Variants in ZBTB7C observed in about 807,000 individuals in gnomAD.
ZBTB7C encodes zinc finger and BTB domain-containing protein 7C.
Under a neutral mutation model 25.7 loss-of-function variants are expected in ZBTB7C, and 8 were observed. That is an observed-to-expected ratio of 0.31 (90% CI 0.18 to 0.56). The LOEUF (loss-of-function observed/expected upper bound fraction) is 0.56, where lower values mean the gene tolerates loss of function less well. Among genes scored for constraint, ZBTB7C ranks in the 20% least tolerant of loss-of-function variants. ZBTB7C has a pLI of 0.91. For synonymous variants in ZBTB7C, 394 were observed against 369.0 expected (o/e 1.07, Z -0.78); for missense variants, 824 against 855.2 (o/e 0.96, Z 0.46).
intron 2 of ZBTB7C, among the ~76,000 whole-genome samples, chr18:48,261,418 A>T (rs547235008): frequency 6.6e-6 from 1 of 152,306 alleles, no homozygotes; most frequent in South Asian, 2.1e-4. Flanking sequence ...GACTGAACAA[A>T]TGGACTTCTG....
intron 2 of ZBTB7C, among the ~76,000 whole-genome samples, chr18:48,257,614 C>T (rs12964919): frequency 0.35 from 53,495 of 151,954 alleles, 11,160 homozygotes; most frequent in Non-Finnish European, 0.48. Flanking sequence ...AAGAAAACTA[C>T]AGACTAATAC....
In ZBTB7C at chr18:48,393,667, A is replaced by G. The variant is rs558575557; in HGVS notation, c.-304+15559T>C. 5.5e-4 allele frequency among the ~76,000 whole-genome samples: 83 copies of G among 152,230 alleles called. 4 individuals are homozygous for G. The South Asian group carries it at 0.017, about 31-fold the overall frequency. On this transcript the variant is annotated intron_variant, in intron 1 of 4. Coordinates refer to ENST00000590800, the MANE Select transcript of ZBTB7C (RefSeq NM_001318841.2). Reference sequence around the variant, plus strand: ...CATGTATGTGCACATCCACACACACACGCACACAGAGGACTATAGCCATCG... The same window carrying G: ...CATGTATGTGCACATCCACACACACGCGCACACAGAGGACTATAGCCATCG...
intron 2 of ZBTB7C, among the ~76,000 whole-genome samples, chr18:48,280,531 A>T (rs1208465370): frequency 6.6e-6 from 1 of 152,162 alleles, no homozygotes; most frequent in Non-Finnish European, 1.5e-5. Flanking sequence ...CACACCCAGA[A>T]CAAAAGGTGC....
At chr18:48,154,617 G>A (rs1237293578) in intron 3 of ZBTB7C, among the ~76,000 whole-genome samples, 2 of 152,174 alleles carry the variant, frequency 1.3e-5, no homozygotes, top group Admixed American at 1.3e-4. Flanking sequence ...CTTAAGTCTT[G>A]AAAGCAATAT....
intron 3 of ZBTB7C, among the ~76,000 whole-genome samples, chr18:48,109,531 T>C (rs1330335477): frequency 6.6e-6 from 1 of 152,168 alleles, no homozygotes; most frequent in African/African-American, 2.4e-5. Flanking sequence ...GGTTTCTAAC[T>C]TGAAAATGCT....
At chr18:48,107,866 T>C (rs1046075037) in intron 3 of ZBTB7C, among the ~76,000 whole-genome samples, 1 of 152,162 alleles carries the variant, frequency 6.6e-6, no homozygotes, top group Admixed American at 6.5e-5. Flanking sequence ...ACCAGTGCTA[T>C]CTGGAGAGTA....
At chr18:48,345,891 A>G (rs1367413726) in intron 1 of ZBTB7C, among the ~76,000 whole-genome samples, 1 of 152,214 alleles carries the variant, frequency 6.6e-6, no homozygotes, top group Non-Finnish European at 1.5e-5. Context: ...TACATGATCT[A>G]TAAAAATGTT....
chr18:48,284,810 A>C (rs867090764), intron 2 of ZBTB7C, among the ~76,000 whole-genome samples: 1,244 of 92,188 alleles, frequency 0.013, 6 homozygotes, highest in South Asian at 0.023. Flanking sequence ...AAAAAAAAAA[A>C]ACAGAGAGAG....
chr18:48,040,306 C>T lies in ZBTB7C; in HGVS notation c.802G>A (p.Ala268Thr). The T allele has an allele frequency of 6.3e-7, 1 of 1,580,338 alleles. No homozygotes were observed. Among genetic ancestry groups the T allele is most frequent in the Non-Finnish European group, 8.6e-7 (1 of 1,165,160 alleles). Reference sequence around the variant, plus strand: ...TCCATGGGCTGCTCAGGCAGCTGGGCAAAGGCACCGAAGTCCCCTGGCCAG... The same window carrying T: ...TCCATGGGCTGCTCAGGCAGCTGGGTAAAGGCACCGAAGTCCCCTGGCCAG... ...HLWPGDFGAF[A>T]QLPEQPMDSG... The change falls in exon 4 of 5, where the codon GCC becomes ACC. Residue 268 changes from alanine to threonine, a missense_variant. By Grantham distance (58) the Ala-to-Thr change is moderately conservative (BLOSUM62 0). This residue lies in a region of ZBTB7C where 316 missense variants were observed against 299.2 expected (regional missense o/e 1.06). Coordinates refer to ENST00000590800, the MANE Select transcript of ZBTB7C (RefSeq NM_001318841.2).
chr18:48,401,760 C>A (rs542378189), intron 1 of ZBTB7C, among the ~76,000 whole-genome samples: 2 of 152,256 alleles, frequency 1.3e-5, no homozygotes, highest in Non-Finnish European at 2.9e-5. Context: ...TGAGGCTCCA[C>A]CCATGCCACC....
intron 4 of ZBTB7C, among the ~76,000 whole-genome samples, chr18:48,035,912 A>G (rs541162093): frequency 2.2e-4 from 34 of 152,346 alleles, no homozygotes; most frequent in East Asian, 9.7e-4. Context: ...CTGTGTCCCA[A>G]GTCAGACCTG....
intron 2 of ZBTB7C, among the ~76,000 whole-genome samples, chr18:48,323,740 A>T (rs2046150463): frequency 6.6e-6 from 1 of 152,130 alleles, no homozygotes. Context: ...GTGAGTAAGG[A>T]TCCGGCAGTT....
intron 2 of ZBTB7C, among the ~76,000 whole-genome samples, chr18:48,225,982 C>G (rs1238344308): frequency 6.6e-6 from 1 of 152,184 alleles, no homozygotes; most frequent in African/African-American, 2.4e-5. Flanking sequence ...ACCTCGCGAT[C>G]CACCCGCTTT....
rs527929435 is a variant in ZBTB7C, at chr18:48,217,113, A to T, written c.-78-31118T>A. 5.3e-5 allele frequency among the ~76,000 whole-genome samples: 8 copies of T among 152,296 alleles called. No homozygotes were observed. In the East Asian group the frequency reaches 1.5e-3, roughly 29 times the overall value. On this transcript the variant is annotated intron_variant, in intron 2 of 4. Coordinates refer to ENST00000590800, the MANE Select transcript of ZBTB7C (RefSeq NM_001318841.2). ...TGCAGCAGGTTCCCCTCACAGCTTC[A>T]GGAGGAACCAACCCTGCTGACAGCT...
chr18:48,049,862 T>C (rs2036614487), intron 3 of ZBTB7C, among the ~76,000 whole-genome samples: 1 of 151,880 alleles, frequency 6.6e-6, no homozygotes, highest in Non-Finnish European at 1.5e-5. Flanking sequence ...AAATCTGGGC[T>C]CAGGATGGTG....
intron 2 of ZBTB7C, among the ~76,000 whole-genome samples, chr18:48,191,993 C>T (rs981802543): frequency 1.3e-5 from 2 of 152,178 alleles, no homozygotes; most frequent in Admixed American, 6.5e-5. Flanking sequence ...AACCTGCACA[C>T]AAATGTTTAT....
At chr18:48,215,593 G>C (rs1410291683) in intron 2 of ZBTB7C, among the ~76,000 whole-genome samples, 1 of 152,182 alleles carries the variant, frequency 6.6e-6, no homozygotes, top group East Asian at 1.9e-4. Flanking sequence ...CAATAGAAAG[G>C]AGTGTCTGGG....
chr18:48,141,145 C>CCCCCCCCCCCCCCCCCCCCCCT (rs2040334038), intron 3 of ZBTB7C, among the ~76,000 whole-genome samples: 1 of 124,178 alleles, frequency 8.1e-6, no homozygotes, highest in African/African-American at 3.2e-5. Context: ...CCCCCCGCAC[C>CCCCCCCCCCCCCCCCCCCCCCT]ACCCCCCCCA....
intron 3 of ZBTB7C, among the ~76,000 whole-genome samples, chr18:48,073,263 T>C (rs139779984): frequency 6.6e-6 from 1 of 152,198 alleles, no homozygotes; most frequent in Non-Finnish European, 1.5e-5. Flanking sequence ...TTTTTAAGTC[T>C]AGGGGAAAGA....
Sources: allele counts gnomAD v4.1 joint callset (sites outside exome capture counted in the v4.1 genomes callset), GRCh38; gene constraint gnomAD v4.1.1; regional missense constraint gnomAD v4.1.1; transcripts MANE v1.5; gene names NCBI Gene and HGNC (gene_info 2026-07-23, HGNC 2026-07-21).